Variants in CSMD3 observed in about 807,000 individuals in gnomAD.
The protein encoded by CSMD3 is CUB and Sushi multiple domains 3.
In CSMD3, 177 loss-of-function variants were observed where a neutral mutation model predicts 435.2. The observed-to-expected ratio is 0.41, with a 90% CI of 0.36 to 0.46. CSMD3 has a LOEUF of 0.46. Among genes scored for constraint, CSMD3 ranks in the 20% least tolerant of loss-of-function variants. The probability of loss-of-function intolerance (pLI) is 0.34; values close to 1 mark genes in which losing one functional copy is unlikely to be tolerated. For synonymous variants in CSMD3, 1,656 were observed against 1,520.5 expected, an observed-to-expected ratio of 1.09 and a Z score of -2.07; for missense variants, 4,265 against 4,504.6, an observed-to-expected ratio of 0.95 and a Z score of 1.52.
chr8:112,946,422 A>T (rs2083612263), intron 9 of CSMD3, among the ~76,000 whole-genome samples: 1 of 151,758 alleles, frequency 6.6e-6, no homozygotes, highest in Admixed American at 6.6e-5. Flanking sequence ...ATTATAATAT[A>T]GTGATTAAAA....
At chr8:112,252,966 C>CA (rs1230725738) in intron 63 of CSMD3, among the ~76,000 whole-genome samples, 6 of 151,732 alleles carry the variant, frequency 4.0e-5, no homozygotes, top group African/African-American at 1.4e-4. Flanking sequence ...CCTTAGAAAG[C>CA]AGAGTTAGTG....
chr8:112,840,278 C>T (rs765204968), intron 11 of CSMD3, among the ~76,000 whole-genome samples: 10 of 151,854 alleles, frequency 6.6e-5, no homozygotes, highest in Non-Finnish European at 1.2e-4. Flanking sequence ...TAGATTGCTA[C>T]GGGTAATGTG....
At chr8:112,465,664 T>C (rs1817879174) in intron 32 of CSMD3, among the ~76,000 whole-genome samples, 1 of 152,086 alleles carries the variant, frequency 6.6e-6, no homozygotes, top group African/African-American at 2.4e-5. Context: ...CTAATTTACA[T>C]TAAAACAACC....
chr8:112,462,005 T>C (rs941526000), intron 32 of CSMD3, among the ~76,000 whole-genome samples: 2 of 152,226 alleles, frequency 1.3e-5, no homozygotes, highest in African/African-American at 4.8e-5. Context: ...CAAAAGTTTT[T>C]ATTTTATATA....
chr8:112,387,465 ATGTGTGTGTGTGTGTG>A (rs34034900), intron 36 of CSMD3, among the ~76,000 whole-genome samples: 10 of 144,212 alleles, frequency 6.9e-5, no homozygotes, highest in Non-Finnish European at 1.2e-4. Flanking sequence ...GTCATATATT[ATGTGTGTGTGTGTGTG>A]TGTGTGTGTG....
intron 13 of CSMD3, among the ~76,000 whole-genome samples, chr8:112,794,264 C>T (rs1305644014): frequency 6.6e-6 from 1 of 151,224 alleles, no homozygotes; most frequent in Admixed American, 6.6e-5. Context: ...TATCAATTGC[C>T]CCAGATGCTG....
chr8:112,295,534 C>T (rs1047445892), intron 54 of CSMD3, among the ~76,000 whole-genome samples: 4 of 151,792 alleles, frequency 2.6e-5, no homozygotes, highest in Non-Finnish European at 5.9e-5. Flanking sequence ...CTTATAATTA[C>T]AAATGTGTTG....
intron 35 of CSMD3, among the ~76,000 whole-genome samples, chr8:112,395,912 G>A (rs1347152202): frequency 6.6e-6 from 1 of 151,956 alleles, no homozygotes; most frequent in Non-Finnish European, 1.5e-5. Context: ...AAATTTTATT[G>A]TATTTTATTG....
intron 11 of CSMD3, among the ~76,000 whole-genome samples, chr8:112,838,548 T>C (rs1174007813): frequency 6.6e-6 from 1 of 151,682 alleles, no homozygotes; most frequent in African/African-American, 2.4e-5. Context: ...TAAATTAAAA[T>C]AATTATAATA....
chr8:113,241,932 T>G (rs961548210), intron 3 of CSMD3, among the ~76,000 whole-genome samples: 1 of 151,008 alleles, frequency 6.6e-6, no homozygotes, highest in Non-Finnish European at 1.5e-5. Flanking sequence ...AGAAAACTGT[T>G]TATATAAAAA....
At chr8:112,543,463 G>A (rs949939922) in intron 27 of CSMD3, among the ~76,000 whole-genome samples, 5 of 151,920 alleles carry the variant, frequency 3.3e-5, no homozygotes, top group Non-Finnish European at 5.9e-5. Context: ...CATACAAATG[G>A]ACAACAGGTA....
rs774142265 is a variant in CSMD3 at position 112,921,694 on chromosome 8, C to T, written c.1566G>A (p.Lys522=). 4.3e-6 allele frequency: 7 copies of T among 1,611,246 alleles called. No homozygotes were observed. The Admixed American group carries it at 5.0e-5, about 12-fold the overall frequency. Residue 522 remains lysine (K), a synonymous_variant, in exon 10 of 71, where the codon AAG becomes AAA. Coordinates refer to ENST00000297405, the MANE Select transcript of CSMD3 (RefSeq NM_198123.2). ...CAGCTATCCGTTGACAGGTGATGCT[C>T]TTTGCGCCCTGTAGGACATAATCTT... ...CDEDYVLQGA[K]SITCQRIAEV...
In CSMD3 at chr8:112,223,367, TCA is replaced by T. The variant is rs1217860669; in HGVS notation, c.*1402_*1403del. 1.3e-5 allele frequency: 4 copies of T among 297,078 alleles called. No individual in the cohort carries two copies. Among genetic ancestry groups the T allele is most frequent in the Non-Finnish European group, 2.5e-5 (4 of 161,558 alleles). The allele number at this position is 297,078 out of a possible 1,614,324, so 18.4% of individuals were successfully genotyped here. On this transcript the variant is annotated 3_prime_UTR_variant, in exon 71 of 71. Coordinates refer to ENST00000297405, the MANE Select transcript of CSMD3 (RefSeq NM_198123.2). ...TCATGATACAAAAAGTCAAGACTGTTCACAGAGTTATCCATATTTGAAAGGGA... is the reference window on the plus strand; with the variant it reads ...TCATGATACAAAAAGTCAAGACTGTTCAGAGTTATCCATATTTGAAAGGGA...
chr8:113,070,919 C>A (rs2089084355), intron 5 of CSMD3, among the ~76,000 whole-genome samples: 1 of 152,020 alleles, frequency 6.6e-6, no homozygotes, highest in African/African-American at 2.4e-5. Flanking sequence ...AAAGAGCATA[C>A]CAATTTACAT....
chr8:113,296,372 A>G (rs573821410), intron 2 of CSMD3, among the ~76,000 whole-genome samples: 53 of 151,910 alleles, frequency 3.5e-4, no homozygotes, highest in Non-Finnish European at 7.1e-4. Context: ...ACAAAAAATT[A>G]ACTGGTTGAG....
chr8:112,271,435 C>G (rs1325329740), intron 59 of CSMD3, among the ~76,000 whole-genome samples: 2 of 152,012 alleles, frequency 1.3e-5, no homozygotes, highest in Non-Finnish European at 2.9e-5. Flanking sequence ...CACCAATGTT[C>G]TACTTATTAT....
At chr8:112,988,777 A>T (rs1564183457) in intron 6 of CSMD3, among the ~76,000 whole-genome samples, 1 of 152,044 alleles carries the variant, frequency 6.6e-6, no homozygotes. Flanking sequence ...CCAGAGACTC[A>T]GGCATCCATT....
At chr8:113,381,245 G>A (rs1301708216) in intron 1 of CSMD3, among the ~76,000 whole-genome samples, 2 of 152,174 alleles carry the variant, frequency 1.3e-5, no homozygotes, top group Non-Finnish European at 2.9e-5. Flanking sequence ...TAATTAAAGT[G>A]TGAGGGAAAT....
intron 5 of CSMD3, among the ~76,000 whole-genome samples, chr8:113,052,966 T>C (rs1286347253): frequency 6.6e-6 from 1 of 152,210 alleles, no homozygotes; most frequent in Non-Finnish European, 1.5e-5. Context: ...ATAACATTAT[T>C]TGTGCTTAAG....
Sources: gnomAD v4.1 joint callset for allele counts (sites outside exome capture counted in the v4.1 genomes callset) on GRCh38, gnomAD v4.1.1 for gene constraint, MANE v1.5 for transcripts, NCBI Gene and HGNC (gene_info 2026-07-23, HGNC 2026-07-21) for gene names.